The following EGFL6 variants were observed in gnomAD, a reference collection of about 807,000 sequenced individuals.
EGFL6 encodes the protein EGF like domain multiple 6.
In EGFL6, 42 loss-of-function variants were observed where a neutral mutation model predicts 43.1. That is an observed-to-expected ratio of 0.98 (90% confidence interval 0.76 to 1.26). The LOEUF is 1.26. Among genes scored for constraint, EGFL6 ranks in the 50% most tolerant of loss-of-function variants. The pLI is 0.00. For missense variants in EGFL6, 429 were observed against 427.8 expected, an observed-to-expected ratio of 1.00 and a Z score of -0.02; for synonymous variants, 164 against 163.2, an observed-to-expected ratio of 1.01 and a Z score of -0.04.
chrX:13,606,893 C>A (rs889631745), intron 6 of EGFL6, among the ~76,000 whole-genome samples: 1 of 111,954 alleles, frequency 8.9e-6, no homozygotes, highest in African/African-American at 3.2e-5. Context: ...GGAAGAATAA[C>A]AAGGTCTATC....
At chrX:13,630,279 G>T (rs952359125) in intron 11 of EGFL6, among the ~76,000 whole-genome samples, 18 of 111,955 alleles carry the variant, frequency 1.6e-4, no homozygotes, top group African/African-American at 5.8e-4. Flanking sequence ...TTAAAATCCT[G>T]CCTAATTTTG....
At chrX:13,577,495 C>T (rs1204269605) in intron 1 of EGFL6, among the ~76,000 whole-genome samples, 1 of 106,867 alleles carries the variant, frequency 9.4e-6, no homozygotes, top group Admixed American at 1.0e-4. Context: ...AAACATTCCA[C>T]AGAATACAGA....
chrX:13,632,570 C>T (rs1454814180), intron 11 of EGFL6, among the ~76,000 whole-genome samples: 2 of 110,484 alleles, frequency 1.8e-5, no homozygotes, highest in African/African-American at 6.6e-5. Context: ...TCCCAAAGTG[C>T]TGGGATTACA....
At chrX:13,614,462 T>G (rs186143218) in intron 7 of EGFL6, among the ~76,000 whole-genome samples, 13 of 112,503 alleles carry the variant, frequency 1.2e-4, no homozygotes, top group African/African-American at 3.9e-4. Context: ...GATCATCTAA[T>G]GCACTAAGCA....
chrX:13,625,587 G>A (rs975973011), intron 10 of EGFL6, among the ~76,000 whole-genome samples: 2 of 110,866 alleles, frequency 1.8e-5, no homozygotes, highest in African/African-American at 6.6e-5. Flanking sequence ...GGGAGGCTGA[G>A]GCAGGAGAAT....
rs761512431 is a variant in EGFL6, at chrX:13,618,871, T to G, written c.1103-292T>G. Among the ~76,000 whole-genome samples the G allele has an allele frequency of 1.5e-4, 14 of 90,432 alleles. No individual in the cohort carries two copies. In the South Asian group the frequency reaches 8.4e-3, roughly 54 times the overall value. The allele number at this position is 90,432 out of a possible 115,157, so 78.5% of individuals were successfully genotyped here. On this transcript the variant is annotated intron_variant, in intron 8 of 11. Transcript: ENST00000361306. ...TGACATTCTCTGCCTTAATAGAGAG[T>G]GAAAAATCTCAAAAAAAGAAAAAAA...
At chrX:13,624,011 C>A in intron 10 of EGFL6, 86 bp downstream of exon 10, 1 of 750,736 alleles carries the variant, frequency 1.3e-6, no homozygotes, top group South Asian at 2.5e-5. Context: ...ATTCCCATTA[C>A]TCATCAGAGC....
At chrX:13,615,465 G>A (rs1423636189) in intron 7 of EGFL6, among the ~76,000 whole-genome samples, 1 of 111,899 alleles carries the variant, frequency 8.9e-6, no homozygotes, top group African/African-American at 3.3e-5. Context: ...CCAGGTGCTG[G>A]AGAAAGATGC....
intron 11 of EGFL6, among the ~76,000 whole-genome samples, chrX:13,630,065 T>G (rs2045802473): frequency 9.0e-6 from 1 of 111,675 alleles, no homozygotes; most frequent in South Asian, 3.8e-4. Context: ...TGCCCAGGGC[T>G]CTGCCAGGGA....
At chrX:13,612,526 T>A (rs1363454625) in intron 7 of EGFL6, among the ~76,000 whole-genome samples, 1 of 111,311 alleles carries the variant, frequency 9.0e-6, no homozygotes, top group East Asian at 2.8e-4. Context: ...AAAACCGCCA[T>A]CGTCATCATG....
At chrX:13,584,476 A>G (rs1315574753) in intron 1 of EGFL6, among the ~76,000 whole-genome samples, 1 of 111,756 alleles carries the variant, frequency 8.9e-6, no homozygotes, top group Non-Finnish European at 1.9e-5. Context: ...CTACCTGCAG[A>G]TGATTCCCAA....
chrX:13,617,055 G>C (rs979930703), intron 7 of EGFL6, among the ~76,000 whole-genome samples: 1 of 80,932 alleles, frequency 1.2e-5, no homozygotes, highest in Non-Finnish European at 2.1e-5. Context: ...ATTTTTAGTA[G>C]AGAGACTAGA....
chrX:13,626,945 T>A lies in EGFL6; in HGVS notation c.1286-66T>A, dbSNP rs1377393524. On this transcript the variant is annotated intron_variant, in intron 10 of 11. Transcript: ENST00000361306. ...ATTGTTTACTTTTTATAGCTTTTTT[T>A]ATACATTAAAGCCAAACTCCTTACA... 31 of 1,112,830 alleles carry A rather than the reference T, an allele frequency of 2.8e-5. No homozygotes were observed. The East Asian group carries it at 4.2e-4, about 15-fold the overall frequency. The allele number at this position is 1,112,830 out of a possible 1,213,427, so 91.7% of individuals were successfully genotyped here.
intron 9 of EGFL6, among the ~76,000 whole-genome samples, chrX:13,623,019 G>A (rs1203142780): frequency 9.1e-6 from 1 of 109,376 alleles, no homozygotes. Flanking sequence ...ACCCCCATCT[G>A]TACAAAAAAA....
chrX:13,589,914 G>C (rs1297461178), intron 2 of EGFL6, among the ~76,000 whole-genome samples: 1 of 112,723 alleles, frequency 8.9e-6, no homozygotes, highest in Non-Finnish European at 1.9e-5. Context: ...ATCTTAATGA[G>C]TATGACTGGG....
intron 7 of EGFL6, among the ~76,000 whole-genome samples, chrX:13,610,843 T>C (rs2045685300): frequency 9.0e-6 from 1 of 111,294 alleles, no homozygotes; most frequent in African/African-American, 3.3e-5. Flanking sequence ...CTGTGGTGGG[T>C]TCTTGTAATG....
rs779625005 is a variant in EGFL6, at chrX:13,594,733, C to T, written c.188-103C>T. ...GGGAGGCAGATTGTCCTCTGTATGTCCCCATGGAGTTCTCTGCCACACAGA... is the reference window on the plus strand; with the variant it reads ...GGGAGGCAGATTGTCCTCTGTATGTTCCCATGGAGTTCTCTGCCACACAGA... On this transcript the variant is annotated intron_variant, in intron 2 of 11. Transcript: ENST00000361306. The T allele has an allele frequency of 1.6e-4, 102 of 629,858 alleles. No homozygotes were observed. In the African/African-American group the frequency reaches 1.8e-3, roughly 11 times the overall value. The allele number at this position is 629,858 out of a possible 1,213,427, so 51.9% of individuals were successfully genotyped here.
intron 8 of EGFL6, among the ~76,000 whole-genome samples, chrX:13,618,346 G>A (rs758967360): frequency 1.8e-4 from 20 of 112,568 alleles, no homozygotes; most frequent in Non-Finnish European, 3.2e-4. Flanking sequence ...TGCTAGTCCT[G>A]CAAGGGCAGT....
chrX:13,573,996 CTG>C (rs936549170), intron 1 of EGFL6, among the ~76,000 whole-genome samples: 9 of 112,188 alleles, frequency 8.0e-5, no homozygotes, highest in Non-Finnish European at 1.1e-4. Context: ...GAAGCAGACT[CTG>C]TGTGTAATTT....
Sources: allele counts gnomAD v4.1 joint callset (sites outside exome capture counted in the v4.1 genomes callset), GRCh38; gene constraint gnomAD v4.1.1; transcripts MANE v1.5; gene names NCBI Gene and HGNC (gene_info 2026-07-23, HGNC 2026-07-21).